KATNIP: variants seen among roughly 807,000 people sequenced by gnomAD.
The protein encoded by KATNIP is katanin interacting protein.
A neutral mutation model predicts 174.0 loss-of-function variants in KATNIP; 126 were observed. The ratio of observed to expected loss-of-function variants is 0.72; its 90% CI spans 0.63 to 0.84. The LOEUF is 0.84. Ranked by LOEUF, KATNIP falls within the 40% of genes least tolerant of loss-of-function variation. KATNIP has a pLI of 0.00. For missense variants in KATNIP, 1,958 were observed against 2,109.7 expected, an observed-to-expected ratio of 0.93 and a Z score of 1.41; for synonymous variants, 810 against 835.7, an observed-to-expected ratio of 0.97 and a Z score of 0.53.
chr16:27,594,684 C>T (rs2075285110), intron 2 of KATNIP, among the ~76,000 whole-genome samples: 1 of 152,088 alleles, frequency 6.6e-6, no homozygotes, highest in Non-Finnish European at 1.5e-5. Flanking sequence ...AACACCTGGC[C>T]TCAAGCCATC....
At chr16:27,595,513 C>T (rs1249874946) in intron 2 of KATNIP, among the ~76,000 whole-genome samples, 1 of 152,198 alleles carries the variant, frequency 6.6e-6, no homozygotes, top group African/African-American at 2.4e-5. Flanking sequence ...AGCAAATGAG[C>T]ATCACCAAGT....
intron 15 of KATNIP, among the ~76,000 whole-genome samples, chr16:27,741,452 AAAAAT>A (rs997867285): frequency 1.3e-5 from 2 of 152,050 alleles, no homozygotes; most frequent in African/African-American, 4.8e-5. Flanking sequence ...AAAAAAAAGA[AAAAAT>A]AATAACACAA....
chr16:27,584,998 TC>T (rs979751809), intron 2 of KATNIP, among the ~76,000 whole-genome samples: 2 of 151,920 alleles, frequency 1.3e-5, no homozygotes, highest in Non-Finnish European at 2.9e-5. Context: ...AACATGCCAC[TC>T]CCCCTCCTCC....
intron 12 of KATNIP, among the ~76,000 whole-genome samples, chr16:27,704,362 TGC>T (rs2079217514): frequency 6.6e-6 from 1 of 152,200 alleles, no homozygotes; most frequent in African/African-American, 2.4e-5. Flanking sequence ...TAACCTCTAG[TGC>T]TAGCAAGGTT....
At chr16:27,612,758 C>CA (rs1205124734) in intron 2 of KATNIP, among the ~76,000 whole-genome samples, 1 of 149,964 alleles carries the variant, frequency 6.7e-6, no homozygotes. Context: ...GACTCCTTCT[C>CA]AAAAAGAAAA....
At chr16:27,714,362 A>T (rs908460581) in intron 13 of KATNIP, among the ~76,000 whole-genome samples, 1 of 151,534 alleles carries the variant, frequency 6.6e-6, no homozygotes, top group African/African-American at 2.4e-5. Flanking sequence ...TGCCATATAT[A>T]TTTTTTTGTT....
chr16:27,658,381 A>G (rs2077365306), intron 6 of KATNIP, among the ~76,000 whole-genome samples: 1 of 152,234 alleles, frequency 6.6e-6, no homozygotes, highest in Non-Finnish European at 1.5e-5. Flanking sequence ...AAGAACTCCC[A>G]GTGATTCTGA....
intron 5 of KATNIP, among the ~76,000 whole-genome samples, chr16:27,636,740 G>GA (rs1348518138): frequency 6.6e-6 from 1 of 152,184 alleles, no homozygotes; most frequent in Non-Finnish European, 1.5e-5. Flanking sequence ...GTGCACCCCA[G>GA]ACCTGGCCAT....
chr16:27,614,835 C>T (rs757377260), intron 2 of KATNIP, among the ~76,000 whole-genome samples: 2 of 152,116 alleles, frequency 1.3e-5, no homozygotes, highest in Non-Finnish European at 2.9e-5. Flanking sequence ...AAGATGGAAG[C>T]AGATGGCAAC....
intron 23 of KATNIP, 89 bp from the exon 24 acceptor site, chr16:27,774,856 G>A: frequency 6.7e-7 from 1 of 1,500,086 alleles, no homozygotes. Flanking sequence ...GCCAGCCCCA[G>A]AGTCCCCCGA....
chr16:27,576,209 G>A (rs1256479977), intron 2 of KATNIP, among the ~76,000 whole-genome samples: 3 of 152,100 alleles, frequency 2.0e-5, no homozygotes, highest in Non-Finnish European at 2.9e-5. Flanking sequence ...CTCTAGCTAC[G>A]GGACTCCCCT....
At position 27,637,579 on chromosome 16, in the gene KATNIP, G is replaced by GCCAGCCCCGGAAAGAT. The variant is rs1465596673; in HGVS notation, c.408+6419_408+6434dup. Among the ~76,000 whole-genome samples the GCCAGCCCCGGAAAGAT allele has an allele frequency of 2.0e-5, 3 of 152,186 alleles. No homozygotes were observed. Among genetic ancestry groups the GCCAGCCCCGGAAAGAT allele is most frequent in the Non-Finnish European group, 4.4e-5 (3 of 68,032 alleles). ...AGCCAGGGCCTGAGAGTTACCTGGA[G>GCCAGCCCCGGAAAGAT]CCAGCCCCGGAAAGATCTGTGGCTG... On this transcript the variant is annotated intron_variant, in intron 5 of 27. Transcript: ENST00000261588. This position sits in a 1 kb window ranked among gnomAD's most constrained non-coding sequence, Gnocchi z 4.7.
At chr16:27,609,432 C>A (rs1043143055) in intron 2 of KATNIP, among the ~76,000 whole-genome samples, 26 of 140,554 alleles carry the variant, frequency 1.8e-4, no homozygotes, top group Non-Finnish European at 3.5e-4. Context: ...GCTTTGTTGC[C>A]CAGGCCAAAG....
In KATNIP at chr16:27,773,176, G is replaced by A. The variant is rs117316062; in HGVS notation, c.4276G>A (p.Glu1426Lys). The A allele has an allele frequency of 0.026, 41,197 of 1,611,384 alleles. 661 individuals carry two copies. The highest frequency in any genetic ancestry group is 0.031 in the Non-Finnish European group (36,761 of 1,178,506). ...CCTCACCGGCCTGGAGCTGTATGAC[G>A]AGCGAGGAGAAAAAATCCCCTTGTC... Reference protein sequence around the residue: ...IGLTGLELYDERGEKIPLSEN... With the variant: ...IGLTGLELYDKRGEKIPLSEN... The change falls in exon 23 of 28, where the codon GAG becomes AAG. Residue 1426 changes from glutamate to lysine, a missense_variant. Glu to Lys is a moderately conservative substitution (Grantham distance 56, BLOSUM62 1). Transcript: ENST00000261588.
intron 15 of KATNIP, 80 bp from the exon 16 acceptor site, chr16:27,749,504 A>C: frequency 6.8e-7 from 1 of 1,471,242 alleles, no homozygotes; most frequent in East Asian, 2.3e-5. Context: ...GAGAGCCACC[A>C]CAGGAGACAG....
chr16:27,778,013 C>T (rs771220366), intron 27 of KATNIP, 44 bp downstream of exon 27: 28 of 1,568,404 alleles, frequency 1.8e-5, no homozygotes, highest in Non-Finnish European at 2.4e-5. Flanking sequence ...CTTGGGAGCT[C>T]GGTCTGAATA....
rs778233067 is a variant in KATNIP at position 27,770,003 on chromosome 16, C to T, written c.4118C>T (p.Pro1373Leu). The change falls in exon 21 of 28, where the codon CCC becomes CTC. Residue 1373 changes from proline to leucine, a missense_variant. Around this residue, in one of 3 missense-constraint regions of KATNIP, gnomAD observed 383 missense variants for 456.0 expected, o/e 0.84. Coordinates refer to ENST00000261588, the MANE Select transcript of KATNIP (RefSeq NM_015202.5). ...FVDYLRAQLL[P>L]QPARRLDMRS... is the part of the protein sequence containing the mutation. ...GACTACCTACGGGCTCAGCTGCTGC[C>T]CCAGCCGGCCAGGAGGTGAGGAGAA... 1 of 1,613,742 alleles carries T rather than the reference C, an allele frequency of 6.2e-7. No homozygotes were observed. The highest frequency in any genetic ancestry group is 8.5e-7 in the Non-Finnish European group (1 of 1,179,632).
intron 2 of KATNIP, among the ~76,000 whole-genome samples, chr16:27,606,873 C>A (rs2075725327): frequency 6.6e-6 from 1 of 151,940 alleles, no homozygotes; most frequent in African/African-American, 2.4e-5. Context: ...GCATCTTGGG[C>A]AGATTTTTCC....
Position 27,676,007 on chromosome 16 carries a change from A to G in KATNIP, c.541-1722A>G, listed in dbSNP as rs566383837. ...ACACCTTTAGTTTTCTCTCCATAGCATACTTTTCTGACAGTGAATCTCCTA... is the reference window on the plus strand; with the variant it reads ...ACACCTTTAGTTTTCTCTCCATAGCGTACTTTTCTGACAGTGAATCTCCTA... On this transcript the variant is annotated intron_variant, in intron 6 of 27. Coordinates refer to ENST00000261588, the MANE Select transcript of KATNIP (RefSeq NM_015202.5). Among the ~76,000 whole-genome samples the G allele has an allele frequency of 4.3e-4, 65 of 152,280 alleles. No homozygotes were observed. In the Middle Eastern group the frequency reaches 0.01, roughly 24 times the overall value.
Sources: allele counts gnomAD v4.1 joint callset (sites outside exome capture counted in the v4.1 genomes callset), GRCh38; gene constraint gnomAD v4.1.1; regional missense constraint gnomAD v4.1.1; non-coding constraint Gnocchi (gnomAD v3.1); transcripts MANE v1.5; gene names NCBI Gene and HGNC (gene_info 2026-07-23, HGNC 2026-07-21).